Variants in ZRANB3 observed in about 807,000 individuals in gnomAD.
The protein encoded by ZRANB3 is DNA annealing helicase and endonuclease ZRANB3.
Under a neutral mutation model 133.8 loss-of-function variants are expected in ZRANB3, and 125 were observed. The observed-to-expected ratio is 0.93, with a 90% CI of 0.81 to 1.08. ZRANB3 has a LOEUF of 1.08. ZRANB3 is among the 50% of genes least tolerant of loss of function. ZRANB3 has a pLI of 0.00. For synonymous variants in ZRANB3, 387 were observed against 432.7 expected (o/e 0.89, Z 1.31); for missense variants, 1,229 against 1,275.5 (o/e 0.96, Z 0.56).
At chr2:135,364,665 C>T (rs540249043) in intron 3 of ZRANB3, among the ~76,000 whole-genome samples, 29 of 152,116 alleles carry the variant, frequency 1.9e-4, no homozygotes, top group Admixed American at 8.5e-4. Context: ...CAGGAGAAAT[C>T]GCTTGAGCCC....
chr2:135,272,316 G>A (rs2105121167), intron 9 of ZRANB3, among the ~76,000 whole-genome samples: 1 of 151,666 alleles, frequency 6.6e-6, no homozygotes, highest in South Asian at 2.1e-4. Flanking sequence ...CCAGACATGT[G>A]AGAAAAGAGA....
intron 1 of ZRANB3, among the ~76,000 whole-genome samples, chr2:135,508,839 TAATAA>T (rs895540651): frequency 1.3e-5 from 2 of 152,132 alleles, no homozygotes; most frequent in African/African-American, 4.8e-5. Context: ...AACATTACAT[TAATAA>T]AAGAAGATGC....
In ZRANB3 at chr2:135,197,544, G is replaced by A. The variant is rs1234005524; in HGVS notation, c.*2798C>T. 3 of 152,152 alleles carry A rather than the reference G, an allele frequency of 2.0e-5. No individual in the cohort carries two copies. Among genetic ancestry groups the A allele is most frequent in the South Asian group, 4.1e-4 (2 of 4,832 alleles). The allele number at this position is 152,152 out of a possible 1,614,324, so 9.4% of individuals were successfully genotyped here. Reference sequence around the variant, plus strand: ...GCTGTAATTAACGCCAAGAGTGGGCGTCTTTAAAAATTCCATATGAATTAT... The same window carrying A: ...GCTGTAATTAACGCCAAGAGTGGGCATCTTTAAAAATTCCATATGAATTAT... On this transcript the variant is annotated 3_prime_UTR_variant, in exon 21 of 21. Coordinates refer to ENST00000264159, the MANE Select transcript of ZRANB3 (RefSeq NM_032143.4).
chr2:135,434,096 G>A (rs1301316233), intron 2 of ZRANB3, among the ~76,000 whole-genome samples: 2 of 151,910 alleles, frequency 1.3e-5, no homozygotes, highest in East Asian at 1.9e-4. Flanking sequence ...CAGGAGGCAC[G>A]GGTTGCAGTG....
At chr2:135,478,379 T>A (rs973847050) in intron 2 of ZRANB3, among the ~76,000 whole-genome samples, 1 of 151,990 alleles carries the variant, frequency 6.6e-6, no homozygotes, top group African/African-American at 2.4e-5. Flanking sequence ...CAGAATATTA[T>A]CAGCACCCCC....
At chr2:135,312,118 TTTTTA>T (rs150654344) in intron 8 of ZRANB3, among the ~76,000 whole-genome samples, 23,789 of 145,798 alleles carry the variant, frequency 0.16, 3,379 homozygotes, top group African/African-American at 0.35. Flanking sequence ...TGTATTTATT[TTTTTA>T]TTTTATTTTA....
At chr2:135,208,773 G>A in intron 18 of ZRANB3, 95 bp downstream of exon 18, 1 of 1,079,146 alleles carries the variant, frequency 9.3e-7, no homozygotes, top group Non-Finnish European at 1.4e-6. Context: ...CTCTAAAGTG[G>A]TCATGCAAAG....
chr2:135,359,148 A>C (rs1685565207), intron 3 of ZRANB3, among the ~76,000 whole-genome samples: 1 of 152,130 alleles, frequency 6.6e-6, no homozygotes, highest in African/African-American at 2.4e-5. Context: ...GCATCTCTTC[A>C]GGGTGACCAT....
intron 2 of ZRANB3, among the ~76,000 whole-genome samples, chr2:135,419,075 C>A (rs1688723305): frequency 6.6e-6 from 1 of 151,174 alleles, no homozygotes; most frequent in Non-Finnish European, 1.5e-5. Flanking sequence ...GTAGCTGGGA[C>A]TACAGGCACC....
At chr2:135,440,642 A>T (rs1398596292) in intron 2 of ZRANB3, among the ~76,000 whole-genome samples, 1 of 152,200 alleles carries the variant, frequency 6.6e-6, no homozygotes, top group East Asian at 1.9e-4. Context: ...AATTCTGTGA[A>T]CAAAAAGAAG....
chr2:135,360,477 G>C (rs748604634), intron 3 of ZRANB3, among the ~76,000 whole-genome samples: 1 of 152,216 alleles, frequency 6.6e-6, no homozygotes, highest in Non-Finnish European at 1.5e-5. Context: ...AGGCCAAGGT[G>C]GGCGGATCAC....
chr2:135,418,994 G>A (rs1357560198), intron 2 of ZRANB3, among the ~76,000 whole-genome samples: 1 of 131,664 alleles, frequency 7.6e-6, no homozygotes, highest in Admixed American at 8.9e-5. Context: ...CTGGAGTGCA[G>A]TGGTGCGATC....
intron 2 of ZRANB3, among the ~76,000 whole-genome samples, chr2:135,406,675 A>C (rs1365784509): frequency 6.6e-6 from 1 of 152,192 alleles, no homozygotes; most frequent in Non-Finnish European, 1.5e-5. Flanking sequence ...ACATACGAAA[A>C]TCAATGAATG....
intron 15 of ZRANB3, among the ~76,000 whole-genome samples, chr2:135,223,747 G>C (rs1045019514): frequency 1.3e-5 from 2 of 152,152 alleles, no homozygotes; most frequent in African/African-American, 2.4e-5. Flanking sequence ...GTGCAAAGGG[G>C]TACTGAATCT....
At chr2:135,457,315 C>T (rs758222389) in intron 2 of ZRANB3, among the ~76,000 whole-genome samples, 29 of 152,296 alleles carry the variant, frequency 1.9e-4, no homozygotes, top group Non-Finnish European at 3.1e-4. Flanking sequence ...GGGTACAATA[C>T]ATCTACAAGT....
chr2:135,466,425 T>C (rs1176937205), intron 2 of ZRANB3, among the ~76,000 whole-genome samples: 2 of 100,144 alleles, frequency 2.0e-5, no homozygotes, highest in Non-Finnish European at 4.4e-5. Context: ...AGAAGAAGAA[T>C]AGATGAATAA....
chr2:135,228,037 C>A (rs1292358496), intron 13 of ZRANB3, 22 bp from the exon 14 acceptor site: 3 of 1,475,110 alleles, frequency 2.0e-6, no homozygotes, highest in African/African-American at 1.4e-5. Context: ...AAAATTATTA[C>A]AAAAATGTAA....
intron 6 of ZRANB3, among the ~76,000 whole-genome samples, chr2:135,321,634 G>T (rs948767588): frequency 6.6e-6 from 1 of 151,620 alleles, no homozygotes; most frequent in African/African-American, 2.4e-5. Context: ...CCACCATGCC[G>T]GGCTAATTTT....
chr2:135,289,410 T>A (rs915269484), intron 8 of ZRANB3, among the ~76,000 whole-genome samples: 1 of 152,052 alleles, frequency 6.6e-6, no homozygotes, highest in Non-Finnish European at 1.5e-5. Context: ...TGCCTGCCAC[T>A]GCGCACGGCT....
Sources: gnomAD v4.1 joint callset for allele counts (sites outside exome capture counted in the v4.1 genomes callset) on GRCh38, gnomAD v4.1.1 for gene constraint, MANE v1.5 for transcripts, NCBI Gene and HGNC (gene_info 2026-07-23, HGNC 2026-07-21) for gene names.